IGF1R: variants seen among roughly 807,000 people sequenced by gnomAD.
IGF1R encodes the protein insulin-like growth factor 1 receptor.
A neutral mutation model predicts 144.6 loss-of-function variants in IGF1R; 44 were observed. The ratio of observed to expected loss-of-function variants is 0.30; its 90% CI spans 0.24 to 0.39. The LOEUF is 0.39. Among genes scored for constraint, IGF1R ranks in the 10% least tolerant of loss-of-function variants. IGF1R has a pLI of 1.00. For synonymous variants in IGF1R, 795 were observed against 722.8 expected, an observed-to-expected ratio of 1.10 and a Z score of -1.60; for missense variants, 1,355 against 1,833.7, an observed-to-expected ratio of 0.74 and a Z score of 4.77.
intron 2 of IGF1R, among the ~76,000 whole-genome samples, chr15:98,714,685 G>C (rs2141270708): frequency 6.6e-6 from 1 of 152,182 alleles, no homozygotes; most frequent in Middle Eastern, 3.4e-3. Context: ...AAGTTTTATG[G>C]CTAGCTTTGA....
Position 98,942,981 on chromosome 15 carries a change from G to A in IGF1R, c.3516G>A (p.Gly1172=), listed in dbSNP as rs750999544. 6.2e-7 allele frequency: 1 copy of A among 1,614,178 alleles called. No individual in the cohort carries two copies. Among genetic ancestry groups the A allele is most frequent in the Non-Finnish European group, 8.5e-7 (1 of 1,179,990 alleles). The change falls in exon 19 of 21, where the codon GGG becomes GGA. Residue 1172 remains glycine, a synonymous_variant. Transcript: ENST00000650285. ...ACTATTACCGGAAAGGAGGGAAAGG[G>A]CTGCTGCCCGTGCGCTGGATGTCTC... ...ETDYYRKGGK[G]LLPVRWMSPE...
At chr15:98,914,299 A>G (rs1008303223) in intron 8 of IGF1R, among the ~76,000 whole-genome samples, 1 of 152,254 alleles carries the variant, frequency 6.6e-6, no homozygotes, top group Non-Finnish European at 1.5e-5. Flanking sequence ...ACTCTATAGC[A>G]CTGATAAACA....
In IGF1R at chr15:98,959,322, C is replaced by T. The variant is rs1376102120; in HGVS notation, c.*1880C>T. ...TCCCACGAAAAACAGCTGCTGAGTC[C>T]AAGGGAGCAGCAGAGCGTGGTCCGG... On this transcript the variant is annotated 3_prime_UTR_variant, in exon 21 of 21. Coordinates refer to ENST00000650285, the MANE Select transcript of IGF1R (RefSeq NM_000875.5). 1.7e-5 allele frequency: 4 copies of T among 233,542 alleles called. No individual in the cohort carries two copies. Among genetic ancestry groups the T allele is most frequent in the African/African-American group, 8.8e-5 (4 of 45,332 alleles). The allele number at this position is 233,542 out of a possible 1,614,324, so 14.5% of individuals were successfully genotyped here.
intron 19 of IGF1R, 117 bp downstream of exon 19, chr15:98,943,169 C>A: frequency 8.2e-7 from 1 of 1,224,914 alleles, no homozygotes; most frequent in Non-Finnish European, 1.2e-6. Flanking sequence ...CCAGCTTTAG[C>A]TCAGTGTTGT....
intron 1 of IGF1R, among the ~76,000 whole-genome samples, chr15:98,669,640 A>G (rs146198592): frequency 4.5e-4 from 69 of 152,280 alleles, no homozygotes; most frequent in African/African-American, 1.6e-3. Context: ...GTGGGTGAGA[A>G]ACACTGTCTT....
At chr15:98,879,070 A>G (rs1425276459) in intron 2 of IGF1R, among the ~76,000 whole-genome samples, 1 of 152,130 alleles carries the variant, frequency 6.6e-6, no homozygotes, top group African/African-American at 2.4e-5. Flanking sequence ...AACCCGGCTC[A>G]TGATGACCTC....
rs115952582 is a variant in IGF1R at position 98,705,893 on chromosome 15, T to C, written c.95-1669T>C. Among the ~76,000 whole-genome samples, 1,262 of 152,330 alleles carry C rather than the reference T, an allele frequency of 8.3e-3. 22 individuals are homozygous for C. Among genetic ancestry groups the C allele is most frequent in the African/African-American group, 0.029 (1,196 of 41,582 alleles). On this transcript the variant is annotated intron_variant, in intron 1 of 20. Coordinates refer to ENST00000650285, the MANE Select transcript of IGF1R (RefSeq NM_000875.5). ...ATGACTTGGGTGCTATCAAATTCAT[T>C]TCCTCAACTGCTCCCCTCTTCACCC...
intron 2 of IGF1R, among the ~76,000 whole-genome samples, chr15:98,712,760 C>T (rs2054023306): frequency 1.3e-5 from 2 of 151,726 alleles, no homozygotes; most frequent in African/African-American, 4.9e-5. Flanking sequence ...CAGGCCCGCA[C>T]CACCACACCC....
chr15:98,650,833 C>A, intron 1 of IGF1R: 1 of 878,202 alleles, frequency 1.1e-6, no homozygotes, highest in Non-Finnish European at 1.4e-6. Flanking sequence ...TGTCGCTCCA[C>A]ATTCGCTGTC....
At chr15:98,686,560 A>C (rs1567075535) in intron 1 of IGF1R, among the ~76,000 whole-genome samples, 1 of 151,576 alleles carries the variant, frequency 6.6e-6, no homozygotes, top group African/African-American at 2.4e-5. Flanking sequence ...ATTTTTATTT[A>C]TTTTTTTAAA....
chr15:98,853,960 TTCTC>T (rs1468235359), intron 2 of IGF1R, among the ~76,000 whole-genome samples: 1 of 152,230 alleles, frequency 6.6e-6, no homozygotes, highest in Non-Finnish European at 1.5e-5. Flanking sequence ...TGACTTGGAT[TTCTC>T]TCTGTTTTTT....
intron 10 of IGF1R, among the ~76,000 whole-genome samples, chr15:98,919,248 C>A (rs2015384580): frequency 6.6e-6 from 1 of 152,208 alleles, no homozygotes; most frequent in Non-Finnish European, 1.5e-5. Flanking sequence ...GTGGTCCTTT[C>A]CACCTAGACC....
chr15:98,957,919 C>T lies in IGF1R; in HGVS notation c.*477C>T, dbSNP rs2017074049. On this transcript the variant is annotated 3_prime_UTR_variant, in exon 21 of 21. Transcript: ENST00000650285. ...GACACCGTGGGTCATTACAAAAAAACACGTGGAGATGGAAATTTTTACCTT... is the reference window on the plus strand; with the variant it reads ...GACACCGTGGGTCATTACAAAAAAATACGTGGAGATGGAAATTTTTACCTT... The T allele has an allele frequency of 4.2e-6, 1 of 239,368 alleles. No individual in the cohort carries two copies. Among genetic ancestry groups the T allele is most frequent in the African/African-American group, 2.2e-5 (1 of 45,476 alleles). The allele number at this position is 239,368 out of a possible 1,614,324, so 14.8% of individuals were successfully genotyped here. A position where few individuals can be genotyped will look rare whatever the true frequency, so the allele number is the denominator to read the frequency against.
intron 2 of IGF1R, among the ~76,000 whole-genome samples, chr15:98,822,500 A>G (rs2056820185): frequency 6.6e-6 from 1 of 152,264 alleles, no homozygotes; most frequent in Admixed American, 6.5e-5. Context: ...AGAATTTAAA[A>G]TAAAATACAT....
chr15:98,946,025 G>T (rs922338210), intron 19 of IGF1R, among the ~76,000 whole-genome samples: 2 of 151,954 alleles, frequency 1.3e-5, no homozygotes, highest in Non-Finnish European at 2.9e-5. Context: ...CGATGATGAC[G>T]ATGACGACGA....
chr15:98,951,442 C>G (rs1042525819), intron 20 of IGF1R, among the ~76,000 whole-genome samples: 2 of 152,278 alleles, frequency 1.3e-5, no homozygotes. Context: ...TTCTCCCCTT[C>G]TGTGTTAGTT....
chr15:98,709,757 A>C (rs2053949272), intron 2 of IGF1R, among the ~76,000 whole-genome samples: 1 of 152,170 alleles, frequency 6.6e-6, no homozygotes, highest in African/African-American at 2.4e-5. Context: ...AGTCCAGTAC[A>C]TCCCTTAGTG....
chr15:98,957,341 G>C lies in IGF1R; in HGVS notation c.4003G>C (p.Val1335Leu), dbSNP rs1251543399. ...GAACGGCCCCGGCCCTGGGGTGCTG[G>C]TCCTCCGCGCCAGCTTCGACGAGAG... ...AENGPGPGVL[V>L]LRASFDERQP... Residue 1335 changes from valine to leucine, a missense_variant, in exon 21 of 21, where the codon GTC (valine) becomes CTC (leucine). Val to Leu is a conservative substitution (Grantham distance 32). Transcript: ENST00000650285. The C allele has an allele frequency of 6.2e-7, 1 of 1,612,092 alleles. No individual in the cohort carries two copies. The highest frequency in any genetic ancestry group is 1.7e-4 in the Middle Eastern group (1 of 6,054).
At chr15:98,850,477 CA>C (rs2141555894) in intron 2 of IGF1R, among the ~76,000 whole-genome samples, 1 of 152,312 alleles carries the variant, frequency 6.6e-6, no homozygotes, top group East Asian at 1.9e-4. Context: ...GTTCTTCCAG[CA>C]AACCATGCCA....
Sources: allele counts gnomAD v4.1 joint callset (sites outside exome capture counted in the v4.1 genomes callset), GRCh38; gene constraint gnomAD v4.1.1; transcripts MANE v1.5; gene names NCBI Gene and HGNC (gene_info 2026-07-23, HGNC 2026-07-21).